The following IMPG1 variants were observed in gnomAD, a reference collection of about 807,000 sequenced individuals.
IMPG1 encodes interphotoreceptor matrix proteoglycan of 150 kDa.
Under a neutral mutation model 92.0 loss-of-function variants are expected in IMPG1, and 85 were observed. The observed-to-expected ratio is 0.92, with a 90% CI of 0.78 to 1.11. The LOEUF (loss-of-function observed/expected upper bound fraction) is 1.11, where lower values mean the gene tolerates loss of function less well. IMPG1 is among the 50% of genes least tolerant of loss of function. The pLI, the probability that IMPG1 is intolerant of heterozygous loss-of-function variation, is 0.00. For missense variants in IMPG1, 1,022 were observed against 956.0 expected (o/e 1.07, Z -0.91); for synonymous variants, 367 against 334.1 (o/e 1.10, Z -1.08).
chr6:76,063,493 G>C (rs999300359), intron 1 of IMPG1, among the ~76,000 whole-genome samples: 1 of 152,304 alleles, frequency 6.6e-6, no homozygotes, highest in South Asian at 2.1e-4. Context: ...TATCTGAAAT[G>C]TCAGAGAGCT....
chr6:75,990,588 T>C (rs1487650013), intron 12 of IMPG1, among the ~76,000 whole-genome samples: 1 of 144,912 alleles, frequency 6.9e-6, no homozygotes, highest in East Asian at 2.1e-4. Flanking sequence ...ACCCCACCTC[T>C]ACACACACAC....
At chr6:75,951,223 A>T (rs1374286149) in intron 12 of IMPG1, 129 bp from the exon 13 acceptor site, 20 of 582,398 alleles carry the variant, frequency 3.4e-5, no homozygotes, top group Admixed American at 6.9e-5. Flanking sequence ...TTCAATAGTC[A>T]TTTTTTTTTT....
chr6:76,052,541 G>A (rs570840655), intron 1 of IMPG1, among the ~76,000 whole-genome samples: 1 of 152,290 alleles, frequency 6.6e-6, no homozygotes, highest in Admixed American at 6.5e-5. Flanking sequence ...GAATGCCTTT[G>A]CCTCTCAAAT....
rs1328534670 is a variant in IMPG1 at position 76,041,918 on chromosome 6, A to G, written c.276T>C (p.Ser92=). 18 of 1,611,622 alleles carry G rather than the reference A, an allele frequency of 1.1e-5. No homozygotes were observed. The highest frequency in any genetic ancestry group is 1.4e-5 in the Non-Finnish European group (16 of 1,177,722). ...PQESMKQILD[S]LQAYYRLRVC... is the part of the protein sequence containing the mutation. The stretch of plus-strand genomic sequence containing the variant: ...CTCTCAATCTATAATAAGCTTGAAG[A>G]CTGTCTAAAATCTGTTTCATGGATT... Residue 92 remains serine (S), a synonymous_variant, in exon 2 of 17, where the codon AGT becomes AGC. Coordinates refer to ENST00000369950, the MANE Select transcript of IMPG1 (RefSeq NM_001563.4).
intron 14 of IMPG1, chr6:75,935,153 C>G (rs978693828): frequency 2.0e-5 from 8 of 398,128 alleles, no homozygotes; most frequent in Admixed American, 1.2e-4. Flanking sequence ...TTTTAAGCAC[C>G]CCAGCTGATT....
At chr6:76,061,703 T>A (rs1784209131) in intron 1 of IMPG1, among the ~76,000 whole-genome samples, 2 of 152,248 alleles carry the variant, frequency 1.3e-5, no homozygotes, top group South Asian at 4.1e-4. Flanking sequence ...GGGTAAATTT[T>A]CTTTTTTCTC....
intron 15 of IMPG1, among the ~76,000 whole-genome samples, chr6:75,924,689 TATAA>T (rs1562335185): frequency 5.8e-3 from 1 of 172 alleles, no homozygotes; most frequent in African/African-American, 0.011. Context: ...ATATATTATA[TATAA>T]ATAATTATAT....
intron 12 of IMPG1, among the ~76,000 whole-genome samples, chr6:76,000,528 A>G (rs1782969400): frequency 1.3e-5 from 2 of 152,212 alleles, no homozygotes; most frequent in African/African-American, 4.8e-5. Flanking sequence ...AATAAGCAAA[A>G]TTAAAAAAAT....
At chr6:76,023,432 C>A (rs1783469196) in intron 5 of IMPG1, among the ~76,000 whole-genome samples, 1 of 152,190 alleles carries the variant, frequency 6.6e-6, no homozygotes, top group African/African-American at 2.4e-5. Context: ...GGCTATCCTT[C>A]CATTTTATTG....
intron 7 of IMPG1, among the ~76,000 whole-genome samples, chr6:76,014,170 G>C (rs1411120466): frequency 3.3e-5 from 5 of 152,220 alleles, no homozygotes; most frequent in African/African-American, 9.6e-5. Flanking sequence ...CAAGTGCCTG[G>C]TACACAGCTG....
chr6:76,049,641 A>T (rs1784003496), intron 1 of IMPG1, among the ~76,000 whole-genome samples: 1 of 152,224 alleles, frequency 6.6e-6, no homozygotes, highest in African/African-American at 2.4e-5. Flanking sequence ...GCTTCTGTGA[A>T]TTTGGATATT....
intron 1 of IMPG1, among the ~76,000 whole-genome samples, chr6:76,053,833 A>C (rs1043246141): frequency 6.6e-6 from 1 of 152,100 alleles, no homozygotes; most frequent in Non-Finnish European, 1.5e-5. Context: ...TTAATCTTGG[A>C]GTATGTTGGG....
intron 12 of IMPG1, among the ~76,000 whole-genome samples, chr6:75,957,408 G>A (rs948509698): frequency 6.6e-6 from 1 of 152,206 alleles, no homozygotes; most frequent in Non-Finnish European, 1.5e-5. Context: ...GGAGAGTTCT[G>A]TAGATGTCTA....
chr6:75,972,672 T>C (rs1782443079), intron 12 of IMPG1, among the ~76,000 whole-genome samples: 1 of 152,208 alleles, frequency 6.6e-6, no homozygotes, highest in Admixed American at 6.5e-5. Flanking sequence ...GTCTGATACA[T>C]TTTGTTTTTT....
Position 76,018,581 on chromosome 6 carries a change from A to G in IMPG1, c.807+137T>C, listed in dbSNP as rs994981981. 1.3e-5 allele frequency: 9 copies of G among 715,416 alleles called. No homozygotes were observed. In the African/African-American group the frequency reaches 1.6e-4, roughly 13 times the overall value. The allele number at this position is 715,416 out of a possible 1,614,324, so 44.3% of individuals were successfully genotyped here. A position where few individuals can be genotyped will look rare whatever the true frequency, so the allele number is the denominator to read the frequency against. ...TTCTAACATGTTAGGGCCCATTGTA[A>G]TTTTGGTTTTCTTTTAAATGGTTAA... On this transcript the variant is annotated intron_variant, in intron 7 of 16. Coordinates refer to ENST00000369950, the MANE Select transcript of IMPG1 (RefSeq NM_001563.4).
In IMPG1 at chr6:76,005,610, A is replaced by G. The variant is rs540417687; in HGVS notation, c.888-76T>C. On this transcript the variant is annotated intron_variant, in intron 9 of 16. Coordinates refer to ENST00000369950, the MANE Select transcript of IMPG1 (RefSeq NM_001563.4). ...TTGCAAAGAGAATCACTAGATTGCTACAAAGCTTCAGGATAGCTTCCACCT... is the reference window on the plus strand; with the variant it reads ...TTGCAAAGAGAATCACTAGATTGCTGCAAAGCTTCAGGATAGCTTCCACCT... 7.3e-6 allele frequency: 11 copies of G among 1,505,420 alleles called. No individual in the cohort carries two copies. The East Asian group carries it at 2.3e-4, about 31-fold the overall frequency. The allele number at this position is 1,505,420 out of a possible 1,614,324, so 93.3% of individuals were successfully genotyped here.
At chr6:76,034,210 T>C in intron 4 of IMPG1, 105 bp downstream of exon 4, 5 of 1,033,308 alleles carry the variant, frequency 4.8e-6, no homozygotes, top group Non-Finnish European at 5.9e-6. Flanking sequence ...CAGCTCTTAG[T>C]GGCTGACATA....
chr6:76,047,970 A>C (rs983602869), intron 1 of IMPG1, among the ~76,000 whole-genome samples: 1 of 152,186 alleles, frequency 6.6e-6, no homozygotes, highest in Non-Finnish European at 1.5e-5. Flanking sequence ...TTTATATATA[A>C]AGTATATTTT....
chr6:76,000,760 C>T (rs79103317), intron 12 of IMPG1, among the ~76,000 whole-genome samples: 9,513 of 152,102 alleles, frequency 0.063, 390 homozygotes, highest in South Asian at 0.11. Context: ...AAGTTACATC[C>T]CTGCTTTATG....
Sources: allele counts gnomAD v4.1 joint callset (sites outside exome capture counted in the v4.1 genomes callset), GRCh38; gene constraint gnomAD v4.1.1; transcripts MANE v1.5; gene names NCBI Gene and HGNC (gene_info 2026-07-23, HGNC 2026-07-21).